The following USH2A variants were observed in gnomAD, a reference collection of about 807,000 sequenced individuals.
The protein encoded by USH2A is Usher syndrome 2A (autosomal recessive, mild).
USH2A carries 443 observed loss-of-function variants against 538.9 expected under a neutral mutation model. The ratio of observed to expected loss-of-function variants is 0.82; its 90% confidence interval spans 0.76 to 0.89. USH2A has a LOEUF of 0.89. Ranked by LOEUF, USH2A falls within the 40% of genes least tolerant of loss-of-function variation. USH2A has a pLI of 0.00. For synonymous variants in USH2A, 2,413 were observed against 2,273.5 expected (o/e 1.06, Z -1.75); for missense variants, 6,633 against 6,324.8 (o/e 1.05, Z -1.65).
intron 21 of USH2A, among the ~76,000 whole-genome samples, chr1:216,125,942 C>A (rs1366597738): frequency 6.6e-6 from 1 of 152,134 alleles, no homozygotes; most frequent in African/African-American, 2.4e-5. Flanking sequence ...AAGACAGCTG[C>A]CAATTTAAGT....
chr1:215,750,860 T>A (rs1215361008), intron 58 of USH2A, among the ~76,000 whole-genome samples: 1 of 152,260 alleles, frequency 6.6e-6, no homozygotes, highest in Non-Finnish European at 1.5e-5. Context: ...ATTAAGTTAT[T>A]ATGAACACTA....
At chr1:216,161,068 G>A (rs375963197) in intron 21 of USH2A, among the ~76,000 whole-genome samples, 38 of 151,704 alleles carry the variant, frequency 2.5e-4, no homozygotes, top group East Asian at 5.8e-4. Context: ...CTTTGTTTTC[G>A]AATTTTGTCT....
intron 27 of USH2A, among the ~76,000 whole-genome samples, chr1:216,076,638 T>C (rs531978017): frequency 6.6e-6 from 1 of 152,296 alleles, no homozygotes; most frequent in African/African-American, 2.4e-5. Flanking sequence ...ATGAATGTAA[T>C]ATTTTTAGCT....
At chr1:215,717,793 C>A (rs1011054560) in intron 61 of USH2A, among the ~76,000 whole-genome samples, 2 of 152,060 alleles carry the variant, frequency 1.3e-5, no homozygotes, top group Admixed American at 1.3e-4. Context: ...GAAGCAATAG[C>A]CCAGGTTTTC....
At chr1:216,339,955 AT>A (rs1481159706) in intron 4 of USH2A, among the ~76,000 whole-genome samples, 2 of 151,968 alleles carry the variant, frequency 1.3e-5, no homozygotes, top group East Asian at 3.9e-4. Context: ...AAATAAAAAA[AT>A]CTAGGAAAAG....
chr1:215,623,092 T>TTAA lies in USH2A; in HGVS notation c.*2686_*2688dup, dbSNP rs1484185839. ...TACATCAGTATATGGTACCATAACA[T>TTAA]TAATATTTGGGTTCCATTTAGTGGA... On this transcript the variant is annotated 3_prime_UTR_variant, in exon 72 of 72. Transcript: ENST00000307340. 6.6e-6 allele frequency: 1 copy of TTAA among 152,130 alleles called. No homozygotes were observed. Among genetic ancestry groups the TTAA allele is most frequent in the African/African-American group, 2.4e-5 (1 of 41,442 alleles). 9.4% of individuals were successfully genotyped at this position (152,130 alleles called of 1,614,324 possible).
chr1:215,758,443 T>C (rs1660876575), intron 58 of USH2A, 152 bp downstream of exon 58: 4 of 891,192 alleles, frequency 4.5e-6, no homozygotes, highest in Non-Finnish European at 6.9e-6. Context: ...GTCTATACAC[T>C]TAGAAGTGTG....
At position 216,149,407 on chromosome 1, in the gene USH2A, C is replaced by A. The variant is rs112656688; in HGVS notation, c.4627+25845G>T. On this transcript the variant is annotated intron_variant, in intron 21 of 71. Transcript: ENST00000307340. ...CTCAGGCTCTTGGTATTCAGTGGAACCTTCATACCCCTTACCGTCCTCAAT... is the reference window on the plus strand; with the variant it reads ...CTCAGGCTCTTGGTATTCAGTGGAAACTTCATACCCCTTACCGTCCTCAAT... 7.7e-4 allele frequency among the ~76,000 whole-genome samples: 117 copies of A among 152,176 alleles called. 1 individual carries two copies. Among genetic ancestry groups the A allele is most frequent in the Middle Eastern group, 3.4e-3 (1 of 294 alleles).
chr1:216,390,937 A>G (rs1249600401), intron 3 of USH2A, among the ~76,000 whole-genome samples: 3 of 152,234 alleles, frequency 2.0e-5, no homozygotes, highest in African/African-American at 7.2e-5. Flanking sequence ...TCATTACAGC[A>G]TTCTGTCCAG....
chr1:216,394,720 C>CTTTTTTT lies in USH2A; in HGVS notation c.651+23787_651+23793dup, dbSNP rs780581599. On this transcript the variant is annotated intron_variant, in intron 3 of 71. Coordinates refer to ENST00000307340, the MANE Select transcript of USH2A (RefSeq NM_206933.4). The stretch of plus-strand genomic sequence containing the variant: ...CTTAAGGCCTAATAACTGGTCCAGT[C>CTTTTTTT]TTTTTTTTTTTTTTTTGAGACAGAG... 5.8e-4 allele frequency among the ~76,000 whole-genome samples: 70 copies of CTTTTTTT among 120,318 alleles called. 8 individuals carry two copies. Among genetic ancestry groups the CTTTTTTT allele is most frequent in the South Asian group, 6.1e-4 (2 of 3,266 alleles). The allele number at this position is 120,318 out of a possible 152,430, so 78.9% of individuals were successfully genotyped here.
Position 216,196,680 on chromosome 1 carries a change from G to C in USH2A, c.4124C>G (p.Ser1375Trp). 6.2e-7 allele frequency: 1 copy of C among 1,613,382 alleles called. No individual in the cohort carries two copies. Among genetic ancestry groups the C allele is most frequent in the Non-Finnish European group, 8.5e-7 (1 of 1,179,632 alleles). ...CTCCCAGGAGATATTGAGAGAGTACGAAGAGAGGGGAAAGACTGAAGGAGG... is the reference window on the plus strand; with the variant it reads ...CTCCCAGGAGATATTGAGAGAGTACCAAGAGAGGGGAAAGACTGAAGGAGG... ...MIPPSVFPLSSYSLNISWEKP... is the reference protein window; with the variant it reads ...MIPPSVFPLSWYSLNISWEKP... The change falls in exon 19 of 72, where the codon TCG becomes TGG. Residue 1375 changes from serine to tryptophan, a missense_variant. Ser to Trp is a radical substitution (Grantham distance 177). Transcript: ENST00000307340.
At chr1:215,866,054 G>A (rs1427378915) in intron 44 of USH2A, among the ~76,000 whole-genome samples, 2 of 152,156 alleles carry the variant, frequency 1.3e-5, no homozygotes, top group Non-Finnish European at 2.9e-5. Flanking sequence ...ACCCCAGTGA[G>A]CAGAGTGTTC....
intron 47 of USH2A, among the ~76,000 whole-genome samples, chr1:215,818,978 T>C (rs2102798241): frequency 6.6e-6 from 1 of 151,938 alleles, no homozygotes; most frequent in African/African-American, 2.4e-5. Flanking sequence ...AATGATTTTT[T>C]TGTTCTCATT....
chr1:215,996,811 C>T (rs1359567094), intron 34 of USH2A, among the ~76,000 whole-genome samples: 2 of 151,958 alleles, frequency 1.3e-5, no homozygotes, highest in East Asian at 3.9e-4. Context: ...TATGTTTCAG[C>T]AGTTTATAAT....
intron 56 of USH2A, among the ~76,000 whole-genome samples, chr1:215,763,671 T>C (rs1416702152): frequency 1.3e-5 from 2 of 152,094 alleles, no homozygotes; most frequent in Non-Finnish European, 2.9e-5. Context: ...TGGGACTTTA[T>C]GGAGGTGAAT....
At chr1:215,715,391 T>G (rs1659454501) in intron 61 of USH2A, among the ~76,000 whole-genome samples, 1 of 152,224 alleles carries the variant, frequency 6.6e-6, no homozygotes. Context: ...TGTTTAGAAT[T>G]CATTAGCTGT....
At chr1:215,936,822 G>C (rs1033117442) in intron 37 of USH2A, among the ~76,000 whole-genome samples, 1 of 151,956 alleles carries the variant, frequency 6.6e-6, no homozygotes, top group African/African-American at 2.4e-5. Flanking sequence ...TTACCAATGT[G>C]TCATTGTCCC....
rs778800460 is a variant in USH2A, at chr1:215,675,599, A to G, written c.12312T>C (p.Ser4104=). 5.6e-6 allele frequency: 9 copies of G among 1,614,048 alleles called. No individual in the cohort carries two copies. Among genetic ancestry groups the G allele is most frequent in the South Asian group, 1.1e-5 (1 of 91,076 alleles). ...AACCAGAGTACTCCAGGAACCCGTC[A>G]CTGAAGATGTTGTATGTCTACAGAA... ...NGVIKTYNIF[S]DGFLEYSGLN... The change falls in exon 63 of 72, where the codon AGT becomes AGC. Residue 4104 remains serine, a synonymous_variant. Coordinates refer to ENST00000307340, the MANE Select transcript of USH2A (RefSeq NM_206933.4).
chr1:215,702,019 GAC>G (rs980153374), intron 61 of USH2A, among the ~76,000 whole-genome samples: 4 of 152,122 alleles, frequency 2.6e-5, no homozygotes, highest in Admixed American at 6.5e-5. Context: ...CTGGTGGTGT[GAC>G]AAAATCTCTC....
Sources: allele counts gnomAD v4.1 joint callset (sites outside exome capture counted in the v4.1 genomes callset), GRCh38; gene constraint gnomAD v4.1.1; transcripts MANE v1.5; gene names NCBI Gene and HGNC (gene_info 2026-07-23, HGNC 2026-07-21).